The following PPP3CC variants were observed in gnomAD, a reference collection of about 807,000 sequenced individuals.
PPP3CC encodes the protein protein phosphatase 3 catalytic subunit gamma, also known as serine/threonine-protein phosphatase 2B catalytic subunit gamma isoform.
Under a neutral mutation model 60.3 loss-of-function variants are expected in PPP3CC, and 35 were observed. That is an observed-to-expected ratio of 0.58 (90% CI 0.44 to 0.77). The LOEUF (loss-of-function observed/expected upper bound fraction) is 0.77, where lower values mean the gene tolerates loss of function less well. Ranked by LOEUF, PPP3CC falls within the 30% of genes least tolerant of loss-of-function variation. PPP3CC has a pLI of 0.00. For missense variants in PPP3CC, 570 were observed against 628.9 expected (o/e 0.91, Z 1.00); for synonymous variants, 206 against 224.3 (o/e 0.92, Z 0.73).
Position 22,522,760 on chromosome 8 carries a change from C to T in PPP3CC, c.943+11C>T, listed in dbSNP as rs1586861212. ...TCTATAACAATAAAGGTAAAGGAATCCAGCAATATTTGAGTTTGAATTTAT... is the reference window on the plus strand; with the variant it reads ...TCTATAACAATAAAGGTAAAGGAATTCAGCAATATTTGAGTTTGAATTTAT... On this transcript the variant is annotated intron_variant, in intron 8 of 13. Coordinates refer to ENST00000240139, the MANE Select transcript of PPP3CC (RefSeq NM_005605.5). 1.3e-6 allele frequency: 2 copies of T among 1,530,366 alleles called. 1 individual carries two copies. The highest frequency in any genetic ancestry group is 4.5e-5 in the East Asian group (2 of 44,422). 94.8% of individuals were successfully genotyped at this position (1,530,366 alleles called of 1,614,324 possible).
rs1395072241 is a variant in PPP3CC at position 22,511,152 on chromosome 8, C to A, written c.551C>A (p.Ala184Asp). The A allele has an allele frequency of 1.2e-6, 2 of 1,613,660 alleles. No individual in the cohort carries two copies. The highest frequency in any genetic ancestry group is 2.2e-5 in the South Asian group (2 of 91,080). Residue 184 changes from alanine (A) to aspartate (D), a missense_variant, in exon 5 of 14, where the codon GCT becomes GAT. Physicochemically the swap from Ala to Asp is moderately radical, Grantham distance 126 (BLOSUM62 -2). Coordinates refer to ENST00000240139, the MANE Select transcript of PPP3CC (RefSeq NM_005605.5). ...CMETFDCLPL[A>D]ALLNQQFLCV... ...GAGACATTTGACTGTCTTCCTCTTG[C>A]TGCCCTCTTAAACCAGCAGTTTCTC...
chr8:22,513,301 G>T lies in PPP3CC; in HGVS notation c.639G>T (p.Arg213Ser). ...TSLDDIRKLDRFTEPPAFGPV... is the reference protein window; with the variant it reads ...TSLDDIRKLDSFTEPPAFGPV... ...TTTTGTGTGTCTTCTAGTTAGACAG[G>T]TTTACGGAACCTCCCGCCTTTGGAC... Residue 213 changes from arginine to serine, a missense_variant, in exon 6 of 14, where the codon AGG (arginine) becomes AGT (serine). Physicochemically the swap from Arg to Ser is moderately radical, Grantham distance 110. Transcript: ENST00000240139. 6.2e-7 allele frequency: 1 copy of T among 1,610,668 alleles called. No homozygotes were observed. Among genetic ancestry groups the T allele is most frequent in the Non-Finnish European group, 8.5e-7 (1 of 1,179,012 alleles).
At chr8:22,537,394 A>C (rs1839867699) in intron 12 of PPP3CC, among the ~76,000 whole-genome samples, 1 of 152,256 alleles carries the variant, frequency 6.6e-6, no homozygotes, top group Non-Finnish European at 1.5e-5. Context: ...GTGAAAAGAC[A>C]GCAGTTAATA....
At chr8:22,470,036 T>G (rs1047499008) in intron 1 of PPP3CC, among the ~76,000 whole-genome samples, 1 of 148,952 alleles carries the variant, frequency 6.7e-6, no homozygotes, top group African/African-American at 2.5e-5. Flanking sequence ...ATATATAAAA[T>G]AAATATGGGT....
At chr8:22,496,795 C>G (rs918828909) in intron 3 of PPP3CC, among the ~76,000 whole-genome samples, 7 of 151,996 alleles carry the variant, frequency 4.6e-5, no homozygotes, top group African/African-American at 1.7e-4. Context: ...TTGTGCCCGG[C>G]TGAGAACTGT....
chr8:22,493,689 G>A (rs544664645), intron 3 of PPP3CC, among the ~76,000 whole-genome samples: 11 of 152,282 alleles, frequency 7.2e-5, no homozygotes, highest in Non-Finnish European at 1.2e-4. Flanking sequence ...TTCAGGGGCA[G>A]TAACAGTCAT....
chr8:22,488,827 C>T (rs749015829), intron 3 of PPP3CC, among the ~76,000 whole-genome samples: 37 of 152,148 alleles, frequency 2.4e-4, no homozygotes, highest in Non-Finnish European at 4.1e-4. Flanking sequence ...ACATTCCAGG[C>T]AGAGGCACAA....
intron 10 of PPP3CC, among the ~76,000 whole-genome samples, chr8:22,530,650 G>A (rs943815907): frequency 1.3e-5 from 2 of 151,534 alleles, no homozygotes; most frequent in African/African-American, 4.8e-5. Context: ...GGCCAACATG[G>A]TGAAACCCCA....
At chr8:22,448,785 G>A (rs961598735) in intron 1 of PPP3CC, among the ~76,000 whole-genome samples, 8 of 151,954 alleles carry the variant, frequency 5.3e-5, no homozygotes, top group Admixed American at 3.9e-4. Context: ...ATGTTGAAAT[G>A]TCGTGATTTT....
chr8:22,518,502 A>G (rs1280815926), intron 6 of PPP3CC, among the ~76,000 whole-genome samples: 1 of 152,164 alleles, frequency 6.6e-6, no homozygotes, highest in Non-Finnish European at 1.5e-5. Context: ...TTGTGATTAT[A>G]TAGCCTAAAG....
chr8:22,469,076 T>C (rs1047110409), intron 1 of PPP3CC, among the ~76,000 whole-genome samples: 2 of 152,120 alleles, frequency 1.3e-5, no homozygotes, highest in Admixed American at 6.5e-5. Flanking sequence ...AGATACAGAA[T>C]CAGCGTTGAG....
chr8:22,529,736 C>T (rs1386663124), intron 10 of PPP3CC, among the ~76,000 whole-genome samples: 1 of 152,108 alleles, frequency 6.6e-6, no homozygotes, highest in East Asian at 1.9e-4. Context: ...CTGCCTGCCT[C>T]GGTCTCCCAA....
chr8:22,510,347 C>T (rs1839050546), intron 4 of PPP3CC, among the ~76,000 whole-genome samples: 1 of 152,152 alleles, frequency 6.6e-6, no homozygotes, highest in Non-Finnish European at 1.5e-5. Flanking sequence ...AGAATCAAGA[C>T]ATAATTTGTT....
chr8:22,459,787 G>A (rs1370673382), intron 1 of PPP3CC, among the ~76,000 whole-genome samples: 1 of 152,106 alleles, frequency 6.6e-6, no homozygotes, highest in Non-Finnish European at 1.5e-5. Flanking sequence ...GTCTTGGGGA[G>A]GTGAAGTTTT....
intron 8 of PPP3CC, among the ~76,000 whole-genome samples, chr8:22,525,457 TTTC>T (rs756466439): frequency 2.0e-5 from 3 of 151,060 alleles, no homozygotes; most frequent in Non-Finnish European, 2.9e-5. Context: ...TCTCTCTCTC[TTTC>T]TTTTCTTTCT....
intron 6 of PPP3CC, among the ~76,000 whole-genome samples, chr8:22,521,977 A>C (rs1256168756): frequency 1.3e-5 from 2 of 151,148 alleles, no homozygotes; most frequent in African/African-American, 4.9e-5. Context: ...AAAAAAAACA[A>C]ACCTATATAT....
At chr8:22,506,607 G>T (rs1181469573) in intron 4 of PPP3CC, among the ~76,000 whole-genome samples, 1 of 152,114 alleles carries the variant, frequency 6.6e-6, no homozygotes, top group Non-Finnish European at 1.5e-5. Flanking sequence ...GCAGAGAGAG[G>T]GCAGGAGGCA....
At chr8:22,537,277 T>G (rs1236955443) in intron 12 of PPP3CC, among the ~76,000 whole-genome samples, 1 of 152,194 alleles carries the variant, frequency 6.6e-6, no homozygotes, top group Non-Finnish European at 1.5e-5. Context: ...ATTTTTCCCA[T>G]GAAGACATAC....
Position 22,474,945 on chromosome 8 carries a change from T to C in PPP3CC, c.50-9T>C. ...AATATTTTAAATTATTATTATTATT[T>C]TTTTGTAGCTGTCCCCTTTCCTCCA... On this transcript the variant is annotated splice_polypyrimidine_tract_variant and intron_variant, in intron 1 of 13. Transcript: ENST00000240139. The C allele has an allele frequency of 6.8e-7, 1 of 1,473,956 alleles. No homozygotes were observed. Among genetic ancestry groups the C allele is most frequent in the Non-Finnish European group, 9.1e-7 (1 of 1,100,400 alleles). 91.3% of individuals were successfully genotyped at this position (1,473,956 alleles called of 1,614,324 possible).
Sources: gnomAD v4.1 joint callset for allele counts (sites outside exome capture counted in the v4.1 genomes callset) on GRCh38, gnomAD v4.1.1 for gene constraint, MANE v1.5 for transcripts, NCBI Gene and HGNC (gene_info 2026-07-23, HGNC 2026-07-21) for gene names.